Variants in SND1 observed in about 807,000 individuals in gnomAD.
SND1 encodes the protein staphylococcal nuclease and tudor domain containing 1.
Under a neutral mutation model 121.7 loss-of-function variants are expected in SND1, and 38 were observed. The ratio of observed to expected loss-of-function variants is 0.31; its 90% confidence interval spans 0.24 to 0.41. The LOEUF is 0.41. Among genes scored for constraint, SND1 ranks in the 10% least tolerant of loss-of-function variants. The pLI is 1.00. For missense variants in SND1, 868 were observed against 1,184.6 expected (o/e 0.73, Z 3.92); for synonymous variants, 401 against 447.4 (o/e 0.90, Z 1.31).
chr7:128,041,888 G>T lies in SND1; in HGVS notation c.1780-32614G>T, dbSNP rs76593352. On this transcript the variant is annotated intron_variant, in intron 16 of 23. Coordinates refer to ENST00000354725, the MANE Select transcript of SND1 (RefSeq NM_014390.4). ...CACTACCAGCCAAGAATGCTAAGCA[G>T]GGTGTTCTGGGGAACCTTTCATCTT... is the stretch of plus-strand genomic sequence containing the variant. 5.3e-3 allele frequency among the ~76,000 whole-genome samples: 803 copies of T among 152,308 alleles called. 6 individuals carry two copies. The highest frequency in any genetic ancestry group is 9.2e-3 in the Non-Finnish European group (626 of 68,024).
intron 12 of SND1, among the ~76,000 whole-genome samples, chr7:127,873,643 G>T (rs1475266495): frequency 6.6e-6 from 1 of 152,062 alleles, no homozygotes; most frequent in Admixed American, 6.6e-5. Context: ...ATTTTGTTTT[G>T]TTTTGTGTTT....
At chr7:127,945,966 G>A (rs1311020873) in intron 15 of SND1, among the ~76,000 whole-genome samples, 2 of 152,140 alleles carry the variant, frequency 1.3e-5, no homozygotes, top group African/African-American at 4.8e-5. Flanking sequence ...AATTGACATT[G>A]AACATATTTA....
intron 16 of SND1, among the ~76,000 whole-genome samples, chr7:128,000,963 C>G (rs1207152142): frequency 2.0e-5 from 3 of 152,164 alleles, no homozygotes; most frequent in African/African-American, 4.8e-5. Flanking sequence ...GGTGGATGAG[C>G]TGACCTTTAC....
chr7:127,991,168 C>A, intron 16 of SND1, 112 bp downstream of exon 16: 1 of 693,668 alleles, frequency 1.4e-6, no homozygotes, highest in Non-Finnish European at 2.5e-6. Context: ...CAGCCTTGCA[C>A]ATCCATAATC....
At chr7:127,837,242 C>A (rs1320637990) in intron 11 of SND1, among the ~76,000 whole-genome samples, 2 of 152,096 alleles carry the variant, frequency 1.3e-5, no homozygotes, top group Non-Finnish European at 2.9e-5. Context: ...GGAATGCCCA[C>A]TGAGTTTTAA....
intron 10 of SND1, among the ~76,000 whole-genome samples, chr7:127,776,792 G>C (rs555607029): frequency 3.1e-4 from 47 of 152,282 alleles, no homozygotes; most frequent in African/African-American, 1.1e-3. Flanking sequence ...TTATGTAAAT[G>C]GCCAGCAACA....
intron 13 of SND1, chr7:127,904,373 G>A (rs1298628110): frequency 6.3e-6 from 1 of 157,956 alleles, no homozygotes; most frequent in Admixed American, 6.4e-5. Context: ...AATGTTTCAT[G>A]TGATTAAACA....
chr7:127,967,389 G>A (rs1801878522), intron 15 of SND1, among the ~76,000 whole-genome samples: 1 of 152,208 alleles, frequency 6.6e-6, no homozygotes, highest in Non-Finnish European at 1.5e-5. Context: ...TCACGATGGA[G>A]CAAATCAGCA....
intron 16 of SND1, among the ~76,000 whole-genome samples, chr7:128,069,075 G>A (rs1033988127): frequency 6.6e-6 from 1 of 152,174 alleles, no homozygotes; most frequent in Non-Finnish European, 1.5e-5. Flanking sequence ...TGAAGAGAAA[G>A]GGATCTGTGC....
chr7:127,796,518 C>G (rs1649114952), intron 10 of SND1, among the ~76,000 whole-genome samples: 1 of 152,098 alleles, frequency 6.6e-6, no homozygotes, highest in Admixed American at 6.5e-5. Flanking sequence ...GATCTTCCCT[C>G]ATGTAGTCTG....
intron 15 of SND1, among the ~76,000 whole-genome samples, chr7:127,980,069 C>G (rs1802222033): frequency 6.6e-6 from 1 of 152,084 alleles, no homozygotes. Flanking sequence ...AATTCCTTTC[C>G]CTTTTTGCTT....
chr7:127,688,943 T>G (rs1795867807), intron 2 of SND1, among the ~76,000 whole-genome samples: 1 of 152,138 alleles, frequency 6.6e-6, no homozygotes, highest in Non-Finnish European at 1.5e-5. Flanking sequence ...TTATTTTAAT[T>G]AAGAAGTTAG....
At chr7:128,028,663 T>C in intron 16 of SND1, 3 of 1,595,570 alleles carry the variant, frequency 1.9e-6, no homozygotes, top group Non-Finnish European at 2.6e-6. Flanking sequence ...TTTATAAGTT[T>C]TTTGGGGGAG....
At chr7:127,667,617 TAAAGTTAAAG>T (rs1488903651) in intron 1 of SND1, among the ~76,000 whole-genome samples, 2 of 152,034 alleles carry the variant, frequency 1.3e-5, no homozygotes, top group Non-Finnish European at 2.9e-5. Context: ...GGAGGAAAGT[TAAAGTTAAAG>T]GAAGTTAAAG....
At chr7:127,895,712 C>G (rs1156488406) in intron 13 of SND1, among the ~76,000 whole-genome samples, 1 of 152,076 alleles carries the variant, frequency 6.6e-6, no homozygotes. Context: ...TTAGCTTTTC[C>G]CTTTCTTCAG....
chr7:127,737,340 C>CA (rs1180223096), intron 10 of SND1, among the ~76,000 whole-genome samples: 1 of 152,272 alleles, frequency 6.6e-6, no homozygotes, highest in African/African-American at 2.4e-5. Context: ...TTTGGGAGGC[C>CA]AAGGCAGGTG....
intron 14 of SND1, among the ~76,000 whole-genome samples, chr7:127,919,020 A>G (rs1463735734): frequency 6.6e-6 from 1 of 152,154 alleles, no homozygotes; most frequent in African/African-American, 2.4e-5. Context: ...TCTCTTCTGA[A>G]TTGTATAATT....
intron 13 of SND1, among the ~76,000 whole-genome samples, chr7:127,889,778 T>C (rs1359629907): frequency 6.6e-6 from 1 of 152,132 alleles, no homozygotes; most frequent in Non-Finnish European, 1.5e-5. Flanking sequence ...TGCAGTGTTT[T>C]TTCTCTCTGT....
chr7:127,960,652 A>C (rs182838697), intron 15 of SND1, among the ~76,000 whole-genome samples: 2 of 152,352 alleles, frequency 1.3e-5, no homozygotes, highest in Non-Finnish European at 1.5e-5. Context: ...TCAGTAGCTG[A>C]GAAAATAGAC....
Sources: gnomAD v4.1 joint callset for allele counts (sites outside exome capture counted in the v4.1 genomes callset) on GRCh38, gnomAD v4.1.1 for gene constraint, MANE v1.5 for transcripts, NCBI Gene and HGNC (gene_info 2026-07-23, HGNC 2026-07-21) for gene names.